CACNA1E: variants seen among roughly 807,000 people sequenced by gnomAD.
The protein encoded by CACNA1E is calcium voltage-gated channel subunit alpha1 E.
In CACNA1E, 40 loss-of-function variants were observed where a neutral mutation model predicts 259.2. That is an observed-to-expected ratio of 0.15 (90% CI 0.12 to 0.20). The LOEUF (loss-of-function observed/expected upper bound fraction) is 0.20. CACNA1E is among the 10% of genes least tolerant of loss of function. The probability of loss-of-function intolerance (pLI) is 1.00; values close to 1 mark genes in which losing one functional copy is unlikely to be tolerated. For missense variants in CACNA1E, 1,874 were observed against 3,040.1 expected (o/e 0.62, Z 9.02); for synonymous variants, 1,104 against 1,138.5 (o/e 0.97, Z 0.61).
intron 2 of CACNA1E, among the ~76,000 whole-genome samples, chr1:181,440,973 G>A (rs967075438): frequency 5.5e-5 from 6 of 109,124 alleles, no homozygotes; most frequent in Non-Finnish European, 8.6e-5. Context: ...AGAGCGAGAC[G>A]ACCTTGTTTC....
intron 1 of CACNA1E, among the ~76,000 whole-genome samples, chr1:181,487,085 T>A (rs973754751): frequency 2.0e-5 from 3 of 152,100 alleles, no homozygotes; most frequent in African/African-American, 7.2e-5. Flanking sequence ...TGTCAAGACC[T>A]GCTTTCATAT....
At chr1:181,647,010 G>A (rs999725218) in intron 6 of CACNA1E, among the ~76,000 whole-genome samples, 6 of 152,290 alleles carry the variant, frequency 3.9e-5, no homozygotes, top group East Asian at 1.9e-4. Context: ...TCAGGGGATC[G>A]GCAGGTGAGG....
chr1:181,761,658 C>T (rs1658595184), intron 32 of CACNA1E, among the ~76,000 whole-genome samples: 1 of 152,170 alleles, frequency 6.6e-6, no homozygotes, highest in Admixed American at 6.5e-5. Flanking sequence ...ATTTAAATCT[C>T]TGTTTTCTGT....
chr1:181,607,903 C>T (rs553531406), intron 6 of CACNA1E, among the ~76,000 whole-genome samples: 9 of 152,074 alleles, frequency 5.9e-5, no homozygotes, highest in Non-Finnish European at 1.3e-4. Flanking sequence ...GTAATGGTAC[C>T]ATTTCAGGGA....
Position 181,772,204 on chromosome 1 carries a change from C to G in CACNA1E, c.5112C>G (p.Val1704=). 6.2e-7 allele frequency: 1 copy of G among 1,613,768 alleles called. No homozygotes were observed. ...CCGATCTGGCCTACGTGTACTTTGT[C>G]TCCTTCATCTTCTTCTGCTCCTTCT... is the stretch of plus-strand genomic sequence containing the variant. ...CGTDLAYVYF[V]SFIFFCSFLM... The change falls in exon 37 of 48, where the codon GTC becomes GTG. Residue 1704 remains valine (V), a synonymous_variant. Transcript: ENST00000367573.
Position 181,416,233 on chromosome 1 carries a change from C to A in CACNA1E, c.434+2653C>A, listed in dbSNP as rs185850679. On this transcript the variant is annotated intron_variant, in intron 2 of 11. Transcript: ENST00000524607. ...CTGTGGTGTCAGCAGGCTTGTTCTGCAGACGCCAGTAGGCCAGGCCATCTT... is the reference window on the plus strand; with the variant it reads ...CTGTGGTGTCAGCAGGCTTGTTCTGAAGACGCCAGTAGGCCAGGCCATCTT... Among the ~76,000 whole-genome samples the A allele has an allele frequency of 6.6e-5, 10 of 152,352 alleles. No individual in the cohort carries two copies. In the East Asian group the frequency reaches 1.9e-3, roughly 29 times the overall value.
chr1:181,686,518 C>T (rs1352795358), intron 7 of CACNA1E, among the ~76,000 whole-genome samples: 1 of 151,990 alleles, frequency 6.6e-6, no homozygotes, highest in Non-Finnish European at 1.5e-5. Flanking sequence ...AACTCCTGAC[C>T]TCAGGTGATC....
At chr1:181,423,066 G>C (rs908613227) in intron 2 of CACNA1E, among the ~76,000 whole-genome samples, 1 of 152,112 alleles carries the variant, frequency 6.6e-6, no homozygotes, top group Admixed American at 6.5e-5. Flanking sequence ...CTATAAAAAA[G>C]GTTCATATCC....
rs368922708 is a variant in CACNA1E, at chr1:181,733,502, C to T, written c.3014C>T (p.Pro1005Leu). Residue 1005 changes from proline to leucine, a missense_variant, in exon 21 of 48, where the codon CCC becomes CTC. Pro to Leu is a moderately conservative substitution (Grantham distance 98, BLOSUM62 -3). This residue lies in a region of CACNA1E where 476 missense variants were observed against 514.0 expected (regional missense o/e 0.93). Coordinates refer to ENST00000367573, the MANE Select transcript of CACNA1E (RefSeq NM_001205293.3). ...LAGGLDEADTPLVLPHPELEV... is the reference protein window; with the variant it reads ...LAGGLDEADTLLVLPHPELEV... Reference sequence around the variant, plus strand: ...GGAGGCCTTGATGAGGCTGACACCCCCCTAGTCCTGCCCCATCCTGAGCTG... The same window carrying T: ...GGAGGCCTTGATGAGGCTGACACCCTCCTAGTCCTGCCCCATCCTGAGCTG... The T allele has an allele frequency of 6.2e-7, 1 of 1,600,994 alleles. No homozygotes were observed. Among genetic ancestry groups the T allele is most frequent in the African/African-American group, 1.3e-5 (1 of 74,802 alleles).
chr1:181,576,835 C>T (rs758103212), intron 3 of CACNA1E, among the ~76,000 whole-genome samples: 37 of 152,172 alleles, frequency 2.4e-4, no homozygotes, highest in Admixed American at 1.2e-3. Context: ...TTATAGAACA[C>T]TCTTAATATT....
rs537068180 is a variant in CACNA1E at position 181,729,623 on chromosome 1, A to C, written c.2241-1552A>C. 2.6e-5 allele frequency among the ~76,000 whole-genome samples: 4 copies of C among 152,280 alleles called. No individual in the cohort carries two copies. The East Asian group carries it at 5.8e-4, about 22-fold the overall frequency. On this transcript the variant is annotated intron_variant, in intron 18 of 47. Coordinates refer to ENST00000367573, the MANE Select transcript of CACNA1E (RefSeq NM_001205293.3). ...ATGCCACCTGCCCTTCCTATCCCAC[A>C]AGGGCTATTGTGAGGCGTACACAAG...
At chr1:181,472,307 G>A (rs1234297325) in intron 2 of CACNA1E, among the ~76,000 whole-genome samples, 2 of 152,170 alleles carry the variant, frequency 1.3e-5, no homozygotes, top group African/African-American at 2.4e-5. Flanking sequence ...GAGATCTAAT[G>A]TGGGGCATGT....
At chr1:181,334,419 C>T (rs929337746) in intron 1 of CACNA1E, among the ~76,000 whole-genome samples, 4 of 152,208 alleles carry the variant, frequency 2.6e-5, no homozygotes, top group South Asian at 2.1e-4. Context: ...GAATGCTACA[C>T]GTGTCCATCC....
At chr1:181,350,018 G>A (rs1652909389) in intron 1 of CACNA1E, among the ~76,000 whole-genome samples, 1 of 152,124 alleles carries the variant, frequency 6.6e-6, no homozygotes, top group African/African-American at 2.4e-5. Context: ...CCCTGAGTGT[G>A]GAGAGGAAGG....
At position 181,800,985 on chromosome 1, in the gene CACNA1E, G is replaced by A. The variant is rs962093603; in HGVS notation, c.*2151G>A. On this transcript the variant is annotated 3_prime_UTR_variant, in exon 48 of 48. Coordinates refer to ENST00000367573, the MANE Select transcript of CACNA1E (RefSeq NM_001205293.3). ...GCACATGTGTGCTTGAGGGTGGCTG[G>A]GAATGTGATATACAGCACCCTGATC... 1.3e-5 allele frequency: 2 copies of A among 152,630 alleles called. No individual in the cohort carries two copies. The highest frequency in any genetic ancestry group is 2.9e-5 in the Non-Finnish European group (2 of 68,032). 9.5% of individuals were successfully genotyped at this position (152,630 alleles called of 1,614,324 possible).
rs944811081 is a variant in CACNA1E at position 181,457,886 on chromosome 1, C to T, written c.435-25858C>T. Reference sequence around the variant, plus strand: ...CCCACTATGGGACAGGATCGTCCCTCTCCAGGATGCTGGGGGAAGGGACAG... The same window carrying T: ...CCCACTATGGGACAGGATCGTCCCTTTCCAGGATGCTGGGGGAAGGGACAG... On this transcript the variant is annotated intron_variant, in intron 2 of 11. Transcript: ENST00000524607. Among the ~76,000 whole-genome samples the T allele has an allele frequency of 2.6e-5, 4 of 152,206 alleles. No homozygotes were observed. The East Asian group carries it at 5.8e-4, about 22-fold the overall frequency.
intron 37 of CACNA1E, among the ~76,000 whole-genome samples, chr1:181,774,667 A>T (rs1277426290): frequency 6.6e-6 from 1 of 152,182 alleles, no homozygotes; most frequent in African/African-American, 2.4e-5. Context: ...GAAGGAAGAG[A>T]AGAGTCTGGC....
At chr1:181,474,949 C>T (rs1168518594) in intron 2 of CACNA1E, among the ~76,000 whole-genome samples, 1 of 152,084 alleles carries the variant, frequency 6.6e-6, no homozygotes, top group Non-Finnish European at 1.5e-5. Flanking sequence ...AAGTAAATAC[C>T]CCTTTTTGAT....
intron 7 of CACNA1E, among the ~76,000 whole-genome samples, chr1:181,678,870 G>A (rs570305275): frequency 1.1e-3 from 160 of 152,300 alleles, no homozygotes; most frequent in African/African-American, 3.8e-3. Flanking sequence ...TGGCACATAA[G>A]AGATGTTCAG....
Sources: allele counts gnomAD v4.1 joint callset (sites outside exome capture counted in the v4.1 genomes callset), GRCh38; gene constraint gnomAD v4.1.1; regional missense constraint gnomAD v4.1.1; transcripts MANE v1.5; gene names NCBI Gene and HGNC (gene_info 2026-07-23, HGNC 2026-07-21).